The following ZNF569 variants were observed in gnomAD, a reference collection of about 807,000 sequenced individuals.
ZNF569 encodes the protein zinc finger protein 569.
Under a neutral mutation model 56.3 loss-of-function variants are expected in ZNF569, and 38 were observed. The ratio of observed to expected loss-of-function variants is 0.68; its 90% CI spans 0.52 to 0.88. The LOEUF (loss-of-function observed/expected upper bound fraction) is 0.88, where lower values mean the gene tolerates loss of function less well. Among genes scored for constraint, ZNF569 ranks in the 40% least tolerant of loss-of-function variants. The pLI is 0.00. For missense variants in ZNF569, 666 were observed against 809.2 expected, an observed-to-expected ratio of 0.82 and a Z score of 2.15; for synonymous variants, 241 against 262.9, an observed-to-expected ratio of 0.92 and a Z score of 0.81.
At chr19:37,448,395 T>C (rs2146948791) in intron 2 of ZNF569, among the ~76,000 whole-genome samples, 1 of 152,212 alleles carries the variant, frequency 6.6e-6, no homozygotes, top group South Asian at 2.1e-4. Flanking sequence ...CCTTTTCAAA[T>C]CTGTGGGGGT....
chr19:37,424,708 C>G (rs1397097163), intron 5 of ZNF569, among the ~76,000 whole-genome samples: 1 of 147,252 alleles, frequency 6.8e-6, no homozygotes, highest in African/African-American at 2.5e-5. Flanking sequence ...CCCAGCTACT[C>G]GGGAGGCTGA....
intron 5 of ZNF569, among the ~76,000 whole-genome samples, chr19:37,425,022 G>A (rs1398858047): frequency 6.6e-6 from 1 of 151,698 alleles, no homozygotes; most frequent in Non-Finnish European, 1.5e-5. Flanking sequence ...AGGAGGCTGA[G>A]GCAGGAAAAT....
chr19:37,421,809 G>A (rs2041041704), intron 5 of ZNF569, among the ~76,000 whole-genome samples: 1 of 135,994 alleles, frequency 7.4e-6, no homozygotes, highest in African/African-American at 2.8e-5. Context: ...GGATGCAGTA[G>A]TGTGATCTCA....
chr19:37,426,092 T>A (rs2041127092), intron 4 of ZNF569, 129 bp from the exon 5 acceptor site: 2 of 1,305,792 alleles, frequency 1.5e-6, no homozygotes, highest in Non-Finnish European at 2.1e-6. Flanking sequence ...TCTGTCCCCT[T>A]TTGCTCTGAA....
In ZNF569 at chr19:37,430,875, C is replaced by T. The variant is rs577241317; in HGVS notation, c.16-4497G>A. ...ATATGGTTCTGAGAGAGAATCTGTG[C>T]ACCCGCAGGAGGGAGACCAGAGTGA... On this transcript the variant is annotated intron_variant, in intron 3 of 5. Transcript: ENST00000316950. Among the ~76,000 whole-genome samples the T allele has an allele frequency of 7.2e-5, 11 of 152,328 alleles. No individual in the cohort carries two copies. The South Asian group carries it at 2.3e-3, about 32-fold the overall frequency.
intron 2 of ZNF569, chr19:37,455,091 G>C (rs2041651977): frequency 4.4e-6 from 2 of 451,470 alleles, no homozygotes; most frequent in Admixed American, 8.1e-5. Context: ...GAAACCCAAA[G>C]TCCCCTCATT....
chr19:37,465,932 T>G (rs994831127), intron 1 of ZNF569, among the ~76,000 whole-genome samples: 2 of 152,228 alleles, frequency 1.3e-5, no homozygotes, highest in Non-Finnish European at 2.9e-5. Context: ...TACTTTAAAA[T>G]GAATGCATAA....
upstream of ZNF569, chr19:37,468,098 T>TG (rs1304693075): frequency 4.3e-5 from 29 of 675,294 alleles, no homozygotes; most frequent in East Asian, 4.4e-4. Flanking sequence ...TGTTTTGTTT[T>TG]TTTTGAGGCA....
At chr19:37,431,962 G>A (rs1421954272) in intron 3 of ZNF569, among the ~76,000 whole-genome samples, 1 of 152,196 alleles carries the variant, frequency 6.6e-6, no homozygotes, top group Non-Finnish European at 1.5e-5. Flanking sequence ...AAAGGGGAGG[G>A]AAGAGTGGGA....
At chr19:37,435,359 C>T (rs2041292654) in intron 3 of ZNF569, among the ~76,000 whole-genome samples, 1 of 151,876 alleles carries the variant, frequency 6.6e-6, no homozygotes. Flanking sequence ...TTAAAACATA[C>T]CACTAGAGAC....
chr19:37,464,985 G>T (rs1159862077), intron 2 of ZNF569, among the ~76,000 whole-genome samples: 4 of 152,110 alleles, frequency 2.6e-5, no homozygotes, highest in Non-Finnish European at 5.9e-5. Context: ...AATTTGATCT[G>T]CCCTCCTCCC....
At chr19:37,428,027 A>G (rs978273790) in intron 3 of ZNF569, among the ~76,000 whole-genome samples, 1 of 152,228 alleles carries the variant, frequency 6.6e-6, no homozygotes, top group Non-Finnish European at 1.5e-5. Flanking sequence ...AATAAATTTT[A>G]AAAATCAGCA....
chr19:37,416,070 A>G (rs1447874736), intron 5 of ZNF569, among the ~76,000 whole-genome samples: 1 of 151,592 alleles, frequency 6.6e-6, no homozygotes, highest in East Asian at 1.9e-4. Flanking sequence ...CCATTTCTAC[A>G]AAAGATACAA....
chr19:37,412,765 C>T lies in ZNF569; in HGVS notation c.1893G>A (p.Glu631=). Residue 631 remains glutamate, a synonymous_variant, in exon 6 of 6, where the codon GAG becomes GAA. Coordinates refer to ENST00000316950, the MANE Select transcript of ZNF569 (RefSeq NM_152484.3). The stretch of plus-strand genomic sequence containing the variant: ...CACATTTACTACAGTCGAAGGGTTT[C>T]TCACCTGTATGTCCTCGTATATGTA... ...LTIHIRGHTG[E]KPFDCSKCGK... 6.2e-7 allele frequency: 1 copy of T among 1,613,876 alleles called. No homozygotes were observed. The highest frequency in any genetic ancestry group is 8.5e-7 in the Non-Finnish European group (1 of 1,179,916).
chr19:37,419,953 C>A (rs549688489), intron 5 of ZNF569, among the ~76,000 whole-genome samples: 15 of 136,062 alleles, frequency 1.1e-4, no homozygotes, highest in East Asian at 2.2e-4. Context: ...GTAGCAATTT[C>A]TTTTTTCTTT....
At chr19:37,451,309 A>G (rs904875452) in intron 2 of ZNF569, among the ~76,000 whole-genome samples, 1 of 151,154 alleles carries the variant, frequency 6.6e-6, no homozygotes, top group Non-Finnish European at 1.5e-5. Context: ...CTGAGGCAGG[A>G]GAATCACTTG....
chr19:37,417,613 GA>G (rs2040955827), intron 5 of ZNF569, among the ~76,000 whole-genome samples: 1 of 152,042 alleles, frequency 6.6e-6, no homozygotes, highest in East Asian at 1.9e-4. Context: ...AGGAAACTAA[GA>G]AAAAGGCATT....
chr19:37,433,412 G>C (rs2041257077), intron 3 of ZNF569, among the ~76,000 whole-genome samples: 1 of 152,172 alleles, frequency 6.6e-6, no homozygotes, highest in African/African-American at 2.4e-5. Context: ...AGGAGGTAGA[G>C]AGACAGGGGT....
chr19:37,425,907 A>G lies in ZNF569; in HGVS notation c.199T>C (p.Trp67Arg). The G allele has an allele frequency of 6.2e-7, 1 of 1,613,914 alleles. No individual in the cohort carries two copies. The highest frequency in any genetic ancestry group is 1.1e-5 in the South Asian group (1 of 91,066). Residue 67 changes from tryptophan to arginine, a missense_variant, in exon 5 of 6, where the codon TGG (tryptophan) becomes CGG (arginine). Trp to Arg is a moderately radical substitution (Grantham distance 101). Transcript: ENST00000316950. ...CTTAATACTTCTTCCTCCATCACCC[A>G]TGGTTCTTCTTCTTGCTCCAATTTG... The part of the protein sequence containing the change: ...IFKLEQEEEP[W>R]VMEEEVLRRH...
Sources: allele counts gnomAD v4.1 joint callset (sites outside exome capture counted in the v4.1 genomes callset), GRCh38; gene constraint gnomAD v4.1.1; transcripts MANE v1.5; gene names NCBI Gene and HGNC (gene_info 2026-07-23, HGNC 2026-07-21).